Variants in TNIK observed in about 807,000 individuals in gnomAD.
TNIK encodes the protein TRAF2 and NCK interacting kinase, also known as TRAF2 and NCK-interacting protein kinase.
A neutral mutation model predicts 191.3 loss-of-function variants in TNIK; 49 were observed. That is an observed-to-expected ratio of 0.26 (90% CI 0.20 to 0.32). The LOEUF (loss-of-function observed/expected upper bound fraction) is 0.32. Ranked by LOEUF, TNIK falls within the 10% of genes least tolerant of loss-of-function variation. TNIK has a pLI of 1.00. For missense variants in TNIK, 1,155 were observed against 1,702.3 expected, an observed-to-expected ratio of 0.68 and a Z score of 5.66; for synonymous variants, 594 against 600.9, an observed-to-expected ratio of 0.99 and a Z score of 0.17.
At chr3:171,456,775 G>A (rs1728842007) in intron 1 of TNIK, among the ~76,000 whole-genome samples, 1 of 152,162 alleles carries the variant, frequency 6.6e-6, no homozygotes, top group East Asian at 1.9e-4. Flanking sequence ...CCTGACCCTG[G>A]TGAAATTATT....
chr3:171,284,619 T>C (rs919289871), intron 2 of TNIK, among the ~76,000 whole-genome samples: 1 of 149,826 alleles, frequency 6.7e-6, no homozygotes, highest in African/African-American at 2.5e-5. Flanking sequence ...AAAAAAAAAA[T>C]AAAAAATAAA....
Position 171,411,837 on chromosome 3 carries a change from C to T in TNIK, c.58-42152G>A, listed in dbSNP as rs115939895. 2.7e-3 allele frequency among the ~76,000 whole-genome samples: 417 copies of T among 152,312 alleles called. 2 individuals are homozygous for T. The highest frequency in any genetic ancestry group is 3.9e-3 in the Non-Finnish European group (264 of 68,030). ...CACCGAAGCTGATCCCCGCCAGCAA[C>T]TTGTTAATGAATATCTCTGGTGTTC... is the stretch of plus-strand genomic sequence containing the variant. On this transcript the variant is annotated intron_variant, in intron 1 of 32. Transcript: ENST00000436636.
rs922766660 is a variant in TNIK, at chr3:171,060,768, G to A, written c.*3113C>T. The stretch of plus-strand genomic sequence containing the variant: ...ACCACCACTGGATGCAGGAATCCAT[G>A]CTACAGTATCTTTGACTGGCACCCA... On this transcript the variant is annotated 3_prime_UTR_variant, in exon 33 of 33. Transcript: ENST00000436636. 2.0e-5 allele frequency among the ~76,000 whole-genome samples: 3 copies of A among 152,128 alleles called. No homozygotes were observed. Among genetic ancestry groups the A allele is most frequent in the Non-Finnish European group, 4.4e-5 (3 of 68,016 alleles).
At chr3:171,407,447 G>T (rs1267290917) in intron 1 of TNIK, among the ~76,000 whole-genome samples, 1 of 152,134 alleles carries the variant, frequency 6.6e-6, no homozygotes, top group African/African-American at 2.4e-5. Context: ...ATTGGAATGG[G>T]GTTGGAGGAC....
chr3:171,294,644 C>A (rs1752057055), intron 2 of TNIK, among the ~76,000 whole-genome samples: 1 of 152,060 alleles, frequency 6.6e-6, no homozygotes, highest in Non-Finnish European at 1.5e-5. Context: ...TCACTTGAAC[C>A]CGGGAAACGG....
At position 171,159,321 on chromosome 3, in the gene TNIK, G is replaced by C. The variant is rs9814699; in HGVS notation, c.1017-1657C>G. Among the ~76,000 whole-genome samples, 6 of 151,566 alleles carry C rather than the reference G, an allele frequency of 4.0e-5. No individual in the cohort carries two copies. The East Asian group carries it at 1.2e-3, about 30-fold the overall frequency. ...TTGGTGGCTGGGTGACGGTGGTAAC[G>C]AGAACAGGAATGAGGAATGCTGAGG... On this transcript the variant is annotated intron_variant, in intron 11 of 32. Transcript: ENST00000436636. This position sits in a 1 kb window ranked among gnomAD's most constrained non-coding sequence, Gnocchi z 4.1.
In TNIK at chr3:171,175,228, C is replaced by T. The variant is rs193191967; in HGVS notation, c.773+24G>A. On this transcript the variant is annotated intron_variant, in intron 9 of 32. Transcript: ENST00000436636. ...CAAGAAAACCTCACCCTTAGATCTGCGAAACATCGAAGACCAAACTCACCA... is the reference window on the plus strand; with the variant it reads ...CAAGAAAACCTCACCCTTAGATCTGTGAAACATCGAAGACCAAACTCACCA... 9.2e-5 allele frequency: 148 copies of T among 1,605,730 alleles called. 1 individual carries two copies. The East Asian group carries it at 2.4e-3, about 26-fold the overall frequency.
At chr3:171,319,022 A>T (rs1263753431) in intron 2 of TNIK, among the ~76,000 whole-genome samples, 3 of 151,712 alleles carry the variant, frequency 2.0e-5, no homozygotes, top group Admixed American at 1.3e-4. Context: ...ATACATAAAT[A>T]AAAAAAATGT....
intron 2 of TNIK, among the ~76,000 whole-genome samples, chr3:171,281,467 A>C (rs1286003910): frequency 6.6e-6 from 1 of 152,168 alleles, no homozygotes; most frequent in Non-Finnish European, 1.5e-5. Flanking sequence ...CAAGCTATTT[A>C]TCTTATTTAA....
At chr3:171,439,725 A>G (rs1337025397) in intron 1 of TNIK, 2 of 152,262 alleles carry the variant, frequency 1.3e-5, no homozygotes, top group African/African-American at 2.4e-5. Context: ...TCCTAGCCAC[A>G]TTTCAGTATA....
chr3:171,329,564 A>G (rs1404542977), intron 2 of TNIK, among the ~76,000 whole-genome samples: 1 of 152,234 alleles, frequency 6.6e-6, no homozygotes, highest in African/African-American at 2.4e-5. Context: ...ATGATACATG[A>G]AAAAATTAAA....
intron 7 of TNIK, among the ~76,000 whole-genome samples, chr3:171,182,937 G>A (rs1479547458): frequency 6.6e-6 from 1 of 152,216 alleles, no homozygotes; most frequent in Admixed American, 6.5e-5. Flanking sequence ...CACATGTCTT[G>A]CAGGACTGGT....
chr3:171,195,436 A>T (rs1027359482), intron 4 of TNIK, among the ~76,000 whole-genome samples: 2 of 152,144 alleles, frequency 1.3e-5, no homozygotes, highest in Non-Finnish European at 2.9e-5. Context: ...TATTTTTTAT[A>T]ATTATATGAA....
chr3:171,200,533 G>T (rs1739277153), intron 4 of TNIK, among the ~76,000 whole-genome samples: 1 of 151,838 alleles, frequency 6.6e-6, no homozygotes, highest in Non-Finnish European at 1.5e-5. Flanking sequence ...ATAGAGGTTG[G>T]TCAGGGGTTA....
chr3:171,233,807 T>C (rs1255320809), intron 2 of TNIK, among the ~76,000 whole-genome samples: 1 of 152,098 alleles, frequency 6.6e-6, no homozygotes, highest in East Asian at 1.9e-4. Flanking sequence ...AATTTGAGGG[T>C]TGCGTTTGGG....
intron 1 of TNIK, among the ~76,000 whole-genome samples, chr3:171,459,014 G>A (rs1193371682): frequency 3.3e-5 from 5 of 152,152 alleles, no homozygotes; most frequent in Non-Finnish European, 5.9e-5. Flanking sequence ...ATCGGGAGTT[G>A]GGGGTGGGGA....
chr3:171,395,924 TA>T lies in TNIK; in HGVS notation c.58-26240del, dbSNP rs549315122. Among the ~76,000 whole-genome samples, 1,131 of 152,290 alleles carry T rather than the reference TA, an allele frequency of 7.4e-3. 14 individuals carry two copies. Among genetic ancestry groups the T allele is most frequent in the African/African-American group, 0.025 (1,022 of 41,544 alleles). On this transcript the variant is annotated intron_variant, in intron 1 of 32. Coordinates refer to ENST00000436636, the MANE Select transcript of TNIK (RefSeq NM_015028.4). ...CTCGTGTTTTTCACTCCTTGCTTTT[TA>T]AAAAACAGGTTTATTAAGATATAAT...
intron 13 of TNIK, 52 bp from the exon 14 acceptor site, chr3:171,139,608 T>C (rs1296319635): frequency 1.9e-6 from 3 of 1,585,326 alleles, no homozygotes; most frequent in Admixed American, 3.3e-5. Flanking sequence ...AAGAGAGAAA[T>C]GAACCAGTAA....
chr3:171,387,981 G>A (rs1044031242), intron 1 of TNIK, among the ~76,000 whole-genome samples: 15 of 150,258 alleles, frequency 1.0e-4, no homozygotes, highest in South Asian at 6.2e-4. Flanking sequence ...CAAGGAGTGT[G>A]GGGGGAGGGG....
Sources: gnomAD v4.1 joint callset for allele counts (sites outside exome capture counted in the v4.1 genomes callset) on GRCh38, gnomAD v4.1.1 for gene constraint, Gnocchi (gnomAD v3.1) non-coding constraint, MANE v1.5 for transcripts, NCBI Gene and HGNC (gene_info 2026-07-23, HGNC 2026-07-21) for gene names.